Variants in MDGA2 observed in about 807,000 individuals in gnomAD.
MDGA2 encodes the protein MAM domain-containing glycosylphosphatidylinositol anchor protein 2.
Under a neutral mutation model 117.8 loss-of-function variants are expected in MDGA2, and 40 were observed. That is an observed-to-expected ratio of 0.34 (90% confidence interval 0.26 to 0.44). The LOEUF (loss-of-function observed/expected upper bound fraction) is 0.44. Among genes scored for constraint, MDGA2 ranks in the 20% least tolerant of loss-of-function variants. The probability of loss-of-function intolerance (pLI) is 1.00; values close to 1 mark genes in which losing one functional copy is unlikely to be tolerated. For synonymous variants in MDGA2, 452 were observed against 439.0 expected, an observed-to-expected ratio of 1.03 and a Z score of -0.37; for missense variants, 1,123 against 1,250.6, an observed-to-expected ratio of 0.90 and a Z score of 1.54.
intron 8 of MDGA2, among the ~76,000 whole-genome samples, chr14:46,987,739 G>A (rs986678193): frequency 3.3e-5 from 5 of 151,990 alleles, no homozygotes; most frequent in African/African-American, 1.2e-4. Flanking sequence ...ACAACTATGT[G>A]AAAGGCAACT....
chr14:47,118,791 C>T (rs1024232911), intron 5 of MDGA2, among the ~76,000 whole-genome samples: 2 of 152,122 alleles, frequency 1.3e-5, no homozygotes, highest in Non-Finnish European at 2.9e-5. Context: ...TGGAGTGCAG[C>T]GGCGTGATCA....
chr14:47,114,913 T>G (rs115442782), intron 5 of MDGA2, among the ~76,000 whole-genome samples: 1,592 of 145,060 alleles, frequency 0.011, 39 homozygotes, highest in African/African-American at 0.039. Flanking sequence ...AAGCAACAAT[T>G]GACAAATGGG....
intron 8 of MDGA2, among the ~76,000 whole-genome samples, chr14:46,969,922 T>G (rs1164310215): frequency 1.5e-5 from 2 of 132,736 alleles, no homozygotes; most frequent in African/African-American, 5.7e-5. Flanking sequence ...ACCTTAGAAC[T>G]TAAAGTATTC....
At chr14:47,166,929 G>T (rs1406559722) in intron 3 of MDGA2, among the ~76,000 whole-genome samples, 2 of 152,106 alleles carry the variant, frequency 1.3e-5, no homozygotes, top group African/African-American at 4.8e-5. Context: ...CAGTGTGTGT[G>T]TCAGCTAGAA....
chr14:47,172,945 A>G (rs568907041), intron 3 of MDGA2, among the ~76,000 whole-genome samples: 2 of 152,318 alleles, frequency 1.3e-5, no homozygotes, highest in East Asian at 3.9e-4. Flanking sequence ...AATACAGAGA[A>G]GTGCTTAAAG....
chr14:47,315,918 C>CA (rs1169379874), intron 1 of MDGA2, among the ~76,000 whole-genome samples: 21 of 146,038 alleles, frequency 1.4e-4, no homozygotes, highest in Middle Eastern at 3.5e-3. Flanking sequence ...ATGGTATTGG[C>CA]AAAAAAACAA....
At chr14:47,102,770 A>G (rs1012646151) in intron 5 of MDGA2, among the ~76,000 whole-genome samples, 1 of 152,172 alleles carries the variant, frequency 6.6e-6, no homozygotes, top group Non-Finnish European at 1.5e-5. Context: ...TCTGGGCCTT[A>G]ACTTTCCCAT....
chr14:47,216,681 C>A (rs185820213), intron 3 of MDGA2, among the ~76,000 whole-genome samples: 3 of 151,948 alleles, frequency 2.0e-5, no homozygotes, highest in African/African-American at 4.8e-5. Context: ...ACTAAAACAG[C>A]AGAAGGATGT....
At chr14:47,534,735 T>C (rs982564170) in intron 1 of MDGA2, among the ~76,000 whole-genome samples, 9 of 152,214 alleles carry the variant, frequency 5.9e-5, no homozygotes, top group Non-Finnish European at 1.3e-4. Context: ...CAGGTTGTCC[T>C]GGCACTCTGA....
At chr14:47,068,511 C>T (rs11626468) in intron 6 of MDGA2, among the ~76,000 whole-genome samples, 140,684 of 151,476 alleles carry the variant, frequency 0.93, 65,398 homozygotes, top group East Asian at 1. Context: ...TAAATGGTAT[C>T]TGAATTAGCA....
At position 47,342,855 on chromosome 14, in the gene MDGA2, T is replaced by TA. The variant is rs1171615525; in HGVS notation, c.281-41306dup. The TA allele has an allele frequency of 1.4e-5, 5 of 351,832 alleles. No homozygotes were observed. In the East Asian group the frequency reaches 3.1e-4, roughly 22 times the overall value. 21.8% of individuals were successfully genotyped at this position (351,832 alleles called of 1,614,324 possible). A position where few individuals can be genotyped will look rare whatever the true frequency, so the allele number is the denominator to read the frequency against. On this transcript the variant is annotated intron_variant, in intron 1 of 16. Transcript: ENST00000399232. ...TTCTATTAAACAAAGAAAACTTCCT[T>TA]AAACACTTAAAGGCTAGGTTCCGTG...
intron 1 of MDGA2, among the ~76,000 whole-genome samples, chr14:47,393,254 G>A (rs1216094509): frequency 6.6e-6 from 1 of 151,546 alleles, no homozygotes; most frequent in African/African-American, 2.4e-5. Flanking sequence ...CTTTCACATC[G>A]ATGAGAATCT....
chr14:47,357,841 A>T (rs897220002), intron 1 of MDGA2, among the ~76,000 whole-genome samples: 1 of 152,182 alleles, frequency 6.6e-6, no homozygotes, highest in Non-Finnish European at 1.5e-5. Context: ...TGAACTCAGT[A>T]GCGCAAGAGT....
chr14:47,494,993 A>G (rs951076565), intron 1 of MDGA2, among the ~76,000 whole-genome samples: 2 of 151,830 alleles, frequency 1.3e-5, no homozygotes, highest in South Asian at 4.1e-4. Context: ...GTAGTATTCT[A>G]TAGTGTATGT....
intron 1 of MDGA2, among the ~76,000 whole-genome samples, chr14:47,611,076 C>T (rs1005834330): frequency 6.6e-6 from 1 of 151,360 alleles, no homozygotes; most frequent in African/African-American, 2.4e-5. Flanking sequence ...GCCAACTGAT[C>T]TTTGACAAAG....
At position 47,125,647 on chromosome 14, in the gene MDGA2, T is replaced by C. The variant is rs1488080393; in HGVS notation, c.925+6067A>G. Among the ~76,000 whole-genome samples, 5 of 152,042 alleles carry C rather than the reference T, an allele frequency of 3.3e-5. No individual in the cohort carries two copies. The East Asian group carries it at 9.6e-4, about 29-fold the overall frequency. On this transcript the variant is annotated intron_variant, in intron 5 of 16. Coordinates refer to ENST00000399232, the MANE Select transcript of MDGA2 (RefSeq NM_001113498.3). ...AGGGAGGGAGGAGAAAGATAAATAT[T>C]TTCCCTCTATTTCTATAGCCAGTAA...
intron 1 of MDGA2, among the ~76,000 whole-genome samples, chr14:47,511,679 T>C (rs1894643924): frequency 1.3e-5 from 2 of 152,194 alleles, no homozygotes; most frequent in African/African-American, 4.8e-5. Flanking sequence ...GTTCAAGTTA[T>C]TATTTAAAAT....
intron 1 of MDGA2, among the ~76,000 whole-genome samples, chr14:47,366,544 G>C (rs929424267): frequency 4.6e-5 from 7 of 151,878 alleles, no homozygotes; most frequent in African/African-American, 9.7e-5. Flanking sequence ...CCTTCACCTG[G>C]CTACTTTTAC....
intron 8 of MDGA2, among the ~76,000 whole-genome samples, chr14:46,972,481 C>T (rs1208925402): frequency 4.6e-5 from 7 of 152,112 alleles, no homozygotes; most frequent in African/African-American, 1.7e-4. Context: ...ATTGTGCTAG[C>T]ACATTTCATA....
Sources: allele counts gnomAD v4.1 joint callset (sites outside exome capture counted in the v4.1 genomes callset), GRCh38; gene constraint gnomAD v4.1.1; transcripts MANE v1.5; gene names NCBI Gene and HGNC (gene_info 2026-07-23, HGNC 2026-07-21).